The following GREM2 variants were observed in gnomAD, a reference collection of about 807,000 sequenced individuals.
The protein encoded by GREM2 is gremlin 2, DAN family BMP antagonist.
GREM2 carries 11 observed loss-of-function variants against 14.2 expected under a neutral mutation model. That is an observed-to-expected ratio of 0.78 (90% CI 0.49 to 1.28). The LOEUF (loss-of-function observed/expected upper bound fraction) is 1.28, where lower values mean the gene tolerates loss of function less well. GREM2 is among the 50% of genes most tolerant of loss of function. GREM2 has a pLI of 0.00. For missense variants in GREM2, 210 were observed against 218.5 expected (o/e 0.96, Z 0.24); for synonymous variants, 98 against 97.6 (o/e 1.00, Z -0.02).
intron 1 of GREM2, among the ~76,000 whole-genome samples, chr1:240,505,404 T>G (rs1028221321): frequency 2.0e-5 from 3 of 152,022 alleles, no homozygotes; most frequent in African/African-American, 7.2e-5. Flanking sequence ...GAGCCCTGTC[T>G]TCTTTCTAGG....
At chr1:240,570,012 A>G (rs897462279) in intron 1 of GREM2, among the ~76,000 whole-genome samples, 4 of 152,168 alleles carry the variant, frequency 2.6e-5, no homozygotes, top group South Asian at 2.1e-4. Context: ...TTGATGTCCA[A>G]TCTGCTATGT....
At chr1:240,586,019 C>A (rs1407930321) in intron 1 of GREM2, among the ~76,000 whole-genome samples, 2 of 150,930 alleles carry the variant, frequency 1.3e-5, no homozygotes, top group African/African-American at 2.4e-5. Flanking sequence ...TAATTCAGAA[C>A]CCACGATAGA....
intron 1 of GREM2, among the ~76,000 whole-genome samples, chr1:240,506,960 C>T (rs975736412): frequency 6.6e-6 from 1 of 152,124 alleles, no homozygotes; most frequent in African/African-American, 2.4e-5. Context: ...TTGAGTGACA[C>T]AACAATGAAG....
At chr1:240,527,748 C>T (rs1364377380) in intron 1 of GREM2, among the ~76,000 whole-genome samples, 3 of 152,148 alleles carry the variant, frequency 2.0e-5, no homozygotes, top group Admixed American at 6.6e-5. Flanking sequence ...ATCCCTACTT[C>T]GTATATAAGC....
chr1:240,586,080 G>A (rs1395625265), intron 1 of GREM2, among the ~76,000 whole-genome samples: 2 of 149,886 alleles, frequency 1.3e-5, no homozygotes, highest in African/African-American at 2.4e-5. Flanking sequence ...CCCTTTCTGT[G>A]ACTTACTCTA....
At chr1:240,505,172 A>G (rs2103282275) in intron 1 of GREM2, among the ~76,000 whole-genome samples, 1 of 152,264 alleles carries the variant, frequency 6.6e-6, no homozygotes, top group South Asian at 2.1e-4. Context: ...TCCCACTTCA[A>G]CTTCCGCCAT....
intron 1 of GREM2, among the ~76,000 whole-genome samples, chr1:240,549,301 A>C (rs141034461): frequency 6.6e-6 from 1 of 150,642 alleles, no homozygotes; most frequent in East Asian, 2.0e-4. Context: ...ACACCATTAC[A>C]CTCTAGCCTG....
At chr1:240,561,516 T>G (rs1175715025) in intron 1 of GREM2, among the ~76,000 whole-genome samples, 1 of 152,194 alleles carries the variant, frequency 6.6e-6, no homozygotes, top group Admixed American at 6.5e-5. Flanking sequence ...GAAGACCTTT[T>G]GGTTCCATAA....
chr1:240,580,733 C>A (rs1343901297), intron 1 of GREM2, among the ~76,000 whole-genome samples: 1 of 152,092 alleles, frequency 6.6e-6, no homozygotes, highest in Admixed American at 6.6e-5. Flanking sequence ...CCACCACACC[C>A]AATTATATTT....
intron 1 of GREM2, among the ~76,000 whole-genome samples, chr1:240,546,341 TAAAA>T (rs10610583): frequency 6.8e-6 from 1 of 146,236 alleles, no homozygotes; most frequent in Non-Finnish European, 1.5e-5. Flanking sequence ...AGACTCAGTC[TAAAA>T]AAAAAAAAAA....
intron 1 of GREM2, among the ~76,000 whole-genome samples, chr1:240,573,702 C>G (rs1000818975): frequency 6.6e-6 from 1 of 152,124 alleles, no homozygotes; most frequent in Non-Finnish European, 1.5e-5. Context: ...AACACCCAGT[C>G]CTCAGGAGGC....
intron 1 of GREM2, among the ~76,000 whole-genome samples, chr1:240,559,309 A>ATTAG (rs910160297): frequency 9.5e-5 from 14 of 147,630 alleles, no homozygotes; most frequent in African/African-American, 3.5e-4. Context: ...AAAATCGGTC[A>ATTAG]TTAGTATCAC....
chr1:240,499,745 G>A (rs1456560337), intron 1 of GREM2, among the ~76,000 whole-genome samples: 1 of 152,138 alleles, frequency 6.6e-6, no homozygotes, highest in Non-Finnish European at 1.5e-5. Flanking sequence ...GGCAAACTAT[G>A]GCCCACAGGC....
intron 1 of GREM2, among the ~76,000 whole-genome samples, chr1:240,525,474 G>A (rs1405063760): frequency 6.6e-6 from 1 of 151,976 alleles, no homozygotes; most frequent in Non-Finnish European, 1.5e-5. Flanking sequence ...CAAATTTAGT[G>A]GCTTAAGACT....
intron 1 of GREM2, among the ~76,000 whole-genome samples, chr1:240,539,508 C>A (rs556329411): frequency 1.3e-5 from 2 of 152,162 alleles, no homozygotes; most frequent in Admixed American, 6.5e-5. Context: ...TTTTACTATA[C>A]CCTCTGATCA....
intron 1 of GREM2, among the ~76,000 whole-genome samples, chr1:240,521,339 T>G (rs536286375): frequency 6.6e-6 from 1 of 152,088 alleles, no homozygotes; most frequent in Non-Finnish European, 1.5e-5. Context: ...CAGGCCGAAG[T>G]GGGCGGATCA....
At chr1:240,553,995 C>A (rs563113174) in intron 1 of GREM2, among the ~76,000 whole-genome samples, 3 of 152,302 alleles carry the variant, frequency 2.0e-5, no homozygotes, top group South Asian at 4.1e-4. Context: ...CTCAGCAAAG[C>A]CTCTAGCTTC....
chr1:240,592,043 TAGA>T (rs1348138399), intron 1 of GREM2, among the ~76,000 whole-genome samples: 1 of 152,194 alleles, frequency 6.6e-6, no homozygotes, highest in African/African-American at 2.4e-5. Flanking sequence ...AGGCTACAAG[TAGA>T]AGAATTCTAA....
At chr1:240,595,397 T>C (rs1458930124) in intron 1 of GREM2, among the ~76,000 whole-genome samples, 1 of 152,082 alleles carries the variant, frequency 6.6e-6, no homozygotes, top group Non-Finnish European at 1.5e-5. Flanking sequence ...GTTCTTTTGC[T>C]CTCTTGGGGT....
Sources: gnomAD v4.1 joint callset for allele counts (sites outside exome capture counted in the v4.1 genomes callset) on GRCh38, gnomAD v4.1.1 for gene constraint, MANE v1.5 for transcripts, NCBI Gene and HGNC (gene_info 2026-07-23, HGNC 2026-07-21) for gene names.